The following ANXA8 variants were observed in gnomAD, a reference collection of about 807,000 sequenced individuals.
ANXA8 encodes the protein annexin A8.
In ANXA8, 9 loss-of-function variants were observed where a neutral mutation model predicts 26.8. The observed-to-expected ratio is 0.34, with a 90% confidence interval of 0.20 to 0.59. The LOEUF (loss-of-function observed/expected upper bound fraction) is 0.59, where lower values mean the gene tolerates loss of function less well. Ranked by LOEUF, ANXA8 falls within the 20% of genes least tolerant of loss-of-function variation. ANXA8 has a pLI of 0.84. For missense variants in ANXA8, 83 were observed against 238.5 expected (o/e 0.35, Z 4.29); for synonymous variants, 39 against 94.8 (o/e 0.41, Z 3.42).
the ANXA8 span, among the ~76,000 whole-genome samples, chr10:47,741,087 C>T: frequency 1.5e-5 from 2 of 132,068 alleles, no homozygotes; most frequent in Admixed American, 8.3e-5. Flanking sequence ...TTCTCTTTCA[C>T]TGATGACTAA....
At chr10:47,682,541 C>G in the ANXA8 span, among the ~76,000 whole-genome samples, 3 of 148,472 alleles carry the variant, frequency 2.0e-5, no homozygotes, top group African/African-American at 5.0e-5. Context: ...GCGATCTTGG[C>G]TCACTGCAAC....
the ANXA8 span, among the ~76,000 whole-genome samples, chr10:47,552,485 C>T: frequency 7.5e-6 from 1 of 132,652 alleles, no homozygotes; most frequent in East Asian, 2.3e-4. Flanking sequence ...CCAATAGGAT[C>T]GCAGTATTAC....
the ANXA8 span, among the ~76,000 whole-genome samples, chr10:47,649,425 G>A: frequency 1.3e-5 from 2 of 149,518 alleles, no homozygotes; most frequent in African/African-American, 2.5e-5. Flanking sequence ...TTTTTTTTTT[G>A]GTGAAATGGA....
At chr10:47,936,774 C>T in the ANXA8 span, among the ~76,000 whole-genome samples, 132 of 151,620 alleles carry the variant, frequency 8.7e-4, no homozygotes, top group African/African-American at 3.2e-3. Flanking sequence ...GGTCGCTCTC[C>T]TGGAGTCTGA....
chr10:47,706,044 T>C, the ANXA8 span, among the ~76,000 whole-genome samples: 4 of 151,734 alleles, frequency 2.6e-5, no homozygotes, highest in Admixed American at 6.5e-5. Context: ...TTCCGGGCGG[T>C]TGGGAGCGCG....
chr10:47,760,602 CAT>C, the ANXA8 span, among the ~76,000 whole-genome samples: 1 of 151,050 alleles, frequency 6.6e-6, no homozygotes. Context: ...CACCCAAGGC[CAT>C]ATCTCACCCT....
At chr10:47,518,248 G>GA in the ANXA8 span, among the ~76,000 whole-genome samples, 2 of 30,788 alleles carry the variant, frequency 6.5e-5, no homozygotes, top group Admixed American at 4.1e-4. Flanking sequence ...CAGACTCTAA[G>GA]AGCTAACAGC....
At chr10:47,640,106 T>A in the ANXA8 span, among the ~76,000 whole-genome samples, 2 of 135,158 alleles carry the variant, frequency 1.5e-5, no homozygotes, top group Non-Finnish European at 3.0e-5. Flanking sequence ...AGGCTTTTTA[T>A]TATAGGTTGT....
At chr10:47,652,302 TA>T in the ANXA8 span, among the ~76,000 whole-genome samples, 1,388 of 151,166 alleles carry the variant, frequency 9.2e-3, 13 homozygotes, top group African/African-American at 0.033. Flanking sequence ...TTATCTCAAT[TA>T]AAAAAAAGTA....
the ANXA8 span, among the ~76,000 whole-genome samples, chr10:47,936,723 C>T: frequency 2.0e-5 from 3 of 147,544 alleles, no homozygotes; most frequent in East Asian, 2.1e-4. Flanking sequence ...CCCACCAGGC[C>T]AGGGGCTGTG....
the ANXA8 span, among the ~76,000 whole-genome samples, chr10:47,573,267 C>A: frequency 6.7e-6 from 1 of 149,634 alleles, no homozygotes; most frequent in African/African-American, 2.5e-5. Context: ...CAGGCGTGAG[C>A]CACCGTGCCC....
chr10:47,684,318 C>A, the ANXA8 span, among the ~76,000 whole-genome samples: 1 of 152,196 alleles, frequency 6.6e-6, no homozygotes. Context: ...ACTCACAACT[C>A]CTATAAATTG....
chr10:47,703,610 C>T, the ANXA8 span, among the ~76,000 whole-genome samples: 3 of 151,096 alleles, frequency 2.0e-5, no homozygotes, highest in African/African-American at 7.3e-5. Context: ...AGAGAATTAC[C>T]ATCAGGCAGA....
At chr10:47,631,123 A>G in the ANXA8 span, among the ~76,000 whole-genome samples, 2 of 150,180 alleles carry the variant, frequency 1.3e-5, no homozygotes, top group Non-Finnish European at 2.9e-5. Flanking sequence ...ATTGAAATTC[A>G]CTGAAATATG....
the ANXA8 span, among the ~76,000 whole-genome samples, chr10:47,957,205 G>A: frequency 2.0e-5 from 3 of 150,208 alleles, no homozygotes; most frequent in Admixed American, 1.3e-4. Flanking sequence ...TTCCTTTTCT[G>A]TCTCAGAGGA....
chr10:47,506,703 G>A, the ANXA8 span, among the ~76,000 whole-genome samples: 14 of 131,754 alleles, frequency 1.1e-4, no homozygotes, highest in Non-Finnish European at 1.8e-4. Context: ...GCAATGGCAC[G>A]ATCTCAGCTC....
At chr10:47,585,010 C>T in the ANXA8 span, among the ~76,000 whole-genome samples, 2 of 147,138 alleles carry the variant, frequency 1.4e-5, no homozygotes, top group African/African-American at 5.4e-5. Context: ...ATTGCTTGAA[C>T]CCAGGGAGGC....
At chr10:47,655,738 C>T in the ANXA8 span, among the ~76,000 whole-genome samples, 45 of 148,820 alleles carry the variant, frequency 3.0e-4, no homozygotes, top group African/African-American at 7.8e-4. Context: ...ACTTTAGCTG[C>T]GGCCGGGCAA....
chr10:47,502,342 G>C, the ANXA8 span: 1 of 1,603,408 alleles, frequency 6.2e-7, no homozygotes, highest in Non-Finnish European at 8.5e-7. Context: ...GTCCTCATCA[G>C]TGGTGGCCCG....
Sources: allele counts gnomAD v4.1 joint callset (sites outside exome capture counted in the v4.1 genomes callset), GRCh38; gene constraint gnomAD v4.1.1; transcripts MANE v1.5; gene names NCBI Gene and HGNC (gene_info 2026-07-23, HGNC 2026-07-21).